HNRNPUL1: variants seen among roughly 807,000 people sequenced by gnomAD.
The protein encoded by HNRNPUL1 is heterogeneous nuclear ribonucleoprotein U-like protein 1.
HNRNPUL1 carries 14 observed loss-of-function variants against 108.5 expected under a neutral mutation model. That is an observed-to-expected ratio of 0.13 (90% CI 0.09 to 0.20). The LOEUF (loss-of-function observed/expected upper bound fraction) is 0.20. Ranked by LOEUF, HNRNPUL1 falls within the 10% of genes least tolerant of loss-of-function variation. HNRNPUL1 has a pLI of 1.00. For missense variants in HNRNPUL1, 804 were observed against 1,168.3 expected (o/e 0.69, Z 4.55); for synonymous variants, 422 against 445.2 (o/e 0.95, Z 0.66).
At chr19:41,295,942 G>A (rs191290951) in intron 10 of HNRNPUL1, among the ~76,000 whole-genome samples, 80 of 152,284 alleles carry the variant, frequency 5.3e-4, no homozygotes, top group Admixed American at 2.2e-3. Context: ...TGTTCTCTCC[G>A]CTTTGAAGAT....
intron 1 of HNRNPUL1, among the ~76,000 whole-genome samples, chr19:41,266,182 T>C (rs2034831130): frequency 6.6e-6 from 1 of 152,074 alleles, no homozygotes; most frequent in Non-Finnish European, 1.5e-5. Context: ...CGCCTGTTAT[T>C]CCAGCACTTT....
In HNRNPUL1 at chr19:41,297,989, TA is replaced by T. The variant is rs1184810883; in HGVS notation, c.1518+3306del. Among the ~76,000 whole-genome samples, 3 of 152,188 alleles carry T rather than the reference TA, an allele frequency of 2.0e-5. No homozygotes were observed. In the East Asian group the frequency reaches 5.8e-4, roughly 29 times the overall value. On this transcript the variant is annotated intron_variant, in intron 10 of 14. Coordinates refer to ENST00000392006, the MANE Select transcript of HNRNPUL1 (RefSeq NM_007040.6). Reference sequence around the variant, plus strand: ...GACACACCAGCCAGTTCTCTTCCTATAAATGTGGTTCTTTTGACTGGAATTC... The same window carrying T: ...GACACACCAGCCAGTTCTCTTCCTATAATGTGGTTCTTTTGACTGGAATTC...
intron 10 of HNRNPUL1, among the ~76,000 whole-genome samples, chr19:41,295,272 CTACACTTCAGTTAATGG>C (rs1288735120): frequency 6.6e-6 from 1 of 152,138 alleles, no homozygotes; most frequent in Non-Finnish European, 1.5e-5. Flanking sequence ...TATTTTCTAC[CTACACTTCAGTTAATGG>C]TGGAGTTCTT....
At chr19:41,270,700 A>T (rs1176234364) in intron 2 of HNRNPUL1, among the ~76,000 whole-genome samples, 1 of 146,186 alleles carries the variant, frequency 6.8e-6, no homozygotes, top group African/African-American at 2.6e-5. Context: ...GGTTCAAGTG[A>T]TTCTCCTGCC....
In HNRNPUL1 at chr19:41,268,265, C is replaced by T; in HGVS notation, c.338C>T (p.Thr113Ile). 6.2e-7 allele frequency: 1 copy of T among 1,613,912 alleles called. No individual in the cohort carries two copies. The highest frequency in any genetic ancestry group is 1.7e-5 in the Admixed American group (1 of 60,000). Reference protein sequence around the residue: ...NITRQNQFYDTQVIKQENESG... With the variant: ...NITRQNQFYDIQVIKQENESG... The stretch of plus-strand genomic sequence containing the variant: ...ACCAGGCAGAACCAATTCTACGATA[C>T]CCAAGTCATCAAACAAGAAAACGAG... Residue 113 changes from threonine (T) to isoleucine (I), a missense_variant, in exon 2 of 15, where the codon ACC becomes ATC. Physicochemically the swap from Thr to Ile is moderately conservative, Grantham distance 89. Transcript: ENST00000392006.
At position 41,292,471 on chromosome 19, in the gene HNRNPUL1, T is replaced by C. The variant is rs756710629; in HGVS notation, c.1226T>C (p.Ile409Thr). Reference protein sequence around the residue: ...FIQHLPLSERIRGTVGPKSKA... With the variant: ...FIQHLPLSERTRGTVGPKSKA... ...CAGCACCTTCCCCTTAGTGAGCGTATCCGGGGCACCGTTGGACCAAAGAGC... is the reference window on the plus strand; with the variant it reads ...CAGCACCTTCCCCTTAGTGAGCGTACCCGGGGCACCGTTGGACCAAAGAGC... Residue 409 changes from isoleucine to threonine, a missense_variant, in exon 8 of 15, where the codon ATC (isoleucine) becomes ACC (threonine). Physicochemically the swap from Ile to Thr is moderately conservative, Grantham distance 89. Coordinates refer to ENST00000392006, the MANE Select transcript of HNRNPUL1 (RefSeq NM_007040.6). The surrounding 1 kb of genome is among the most constrained non-coding windows in gnomAD (Gnocchi z 4.1). 29 of 1,613,540 alleles carry C rather than the reference T, an allele frequency of 1.8e-5. No homozygotes were observed. In the South Asian group the frequency reaches 2.6e-4, roughly 15 times the overall value.
At chr19:41,287,724 T>A (rs1379613885) in intron 7 of HNRNPUL1, among the ~76,000 whole-genome samples, 1 of 152,036 alleles carries the variant, frequency 6.6e-6, no homozygotes, top group Non-Finnish European at 1.5e-5. Context: ...CACACCTGGC[T>A]AATTTTTGTA....
Position 41,264,398 on chromosome 19 carries a change from T to TG in HNRNPUL1, c.-103dup, listed in dbSNP as rs2034671295. ...TTTTGAGCCGCTGCCGCCATTGGAGTGGGCCCCCCCCCTTTCCCCCTTCGC... is the reference window on the plus strand; with the variant it reads ...TTTTGAGCCGCTGCCGCCATTGGAGTGGGGCCCCCCCCCTTTCCCCCTTCGC... On this transcript the variant is annotated 5_prime_UTR_variant, in exon 1 of 15. Transcript: ENST00000392006. 8.1e-6 allele frequency: 8 copies of TG among 991,044 alleles called. No homozygotes were observed. The highest frequency in any genetic ancestry group is 9.3e-6 in the Non-Finnish European group (7 of 756,314). The allele number at this position is 991,044 out of a possible 1,614,324, so 61.4% of individuals were successfully genotyped here.
In HNRNPUL1 at chr19:41,306,440, T is replaced by C; in HGVS notation, c.2455-9T>C. ...AGGACAACTTGGTGTTCTTGGTTTC[T>C]TTCCCCAGTATGCCCAGCAGTGGAA... is the stretch of plus-strand genomic sequence containing the variant. On this transcript the variant is annotated splice_polypyrimidine_tract_variant and intron_variant, in intron 14 of 14. Transcript: ENST00000392006. The C allele has an allele frequency of 6.4e-7, 1 of 1,565,100 alleles. No individual in the cohort carries two copies. Among genetic ancestry groups the C allele is most frequent in the Non-Finnish European group, 8.6e-7 (1 of 1,156,346 alleles).
chr19:41,285,344 G>A (rs951143286), intron 7 of HNRNPUL1, among the ~76,000 whole-genome samples: 2 of 152,054 alleles, frequency 1.3e-5, no homozygotes, highest in Admixed American at 1.3e-4. Flanking sequence ...CTACCTCAGC[G>A]ACCCAAGTAC....
rs900188903 is a variant in HNRNPUL1, at chr19:41,306,683, C to G, written c.*118C>G. The G allele has an allele frequency of 2.4e-5, 13 of 546,212 alleles. No homozygotes were observed. The highest frequency in any genetic ancestry group is 3.3e-5 in the Non-Finnish European group (11 of 329,814). The allele number at this position is 546,212 out of a possible 1,614,324, so 33.8% of individuals were successfully genotyped here. A position where few individuals can be genotyped will look rare whatever the true frequency, so the allele number is the denominator to read the frequency against. On this transcript the variant is annotated 3_prime_UTR_variant, in exon 15 of 15. Transcript: ENST00000392006. ...TGCTGGGGATGGGGTCATCCCAGGGCTGCCTCCCTCCAGCCCACTGCCTCC... is the reference window on the plus strand; with the variant it reads ...TGCTGGGGATGGGGTCATCCCAGGGGTGCCTCCCTCCAGCCCACTGCCTCC...
intron 6 of HNRNPUL1, 152 bp downstream of exon 6, chr19:41,279,328 T>C (rs1599790680): frequency 3.4e-6 from 2 of 592,128 alleles, no homozygotes; most frequent in East Asian, 5.6e-5. Flanking sequence ...TATGCCACTG[T>C]CTCTGTCATG....
Position 41,302,850 on chromosome 19 carries a change from GGCTTCCAGC to G in HNRNPUL1, c.1877_1885del (p.Phe626_Arg628del). 1 of 1,586,012 alleles carries G rather than the reference GGCTTCCAGC, an allele frequency of 6.3e-7. No individual in the cohort carries two copies. The highest frequency in any genetic ancestry group is 1.7e-5 in the Admixed American group (1 of 57,542). ...CTTCCGGGGCCGCGGGGGTGGTGGT[GGCTTCCAGC>G]GCTATGAAAACCGAGGACCCCCTGG... On this transcript the variant is annotated inframe_deletion, in exon 12 of 15. Transcript: ENST00000392006.
intron 5 of HNRNPUL1, among the ~76,000 whole-genome samples, chr19:41,278,807 C>A (rs142157574): frequency 1.3e-5 from 2 of 152,206 alleles, no homozygotes; most frequent in East Asian, 3.9e-4. Flanking sequence ...AACAGTTTAT[C>A]TTTCTACTAG....
At chr19:41,306,174 C>T (rs1471487353) in intron 14 of HNRNPUL1, among the ~76,000 whole-genome samples, 1 of 152,176 alleles carries the variant, frequency 6.6e-6, no homozygotes, top group East Asian at 1.9e-4. Flanking sequence ...GGTTGGTGCC[C>T]AGGCCCCCAT....
Position 41,264,451 on chromosome 19 carries a change from CAG to C in HNRNPUL1, c.-50_-49del. On this transcript the variant is annotated 5_prime_UTR_variant, in exon 1 of 15. Coordinates refer to ENST00000392006, the MANE Select transcript of HNRNPUL1 (RefSeq NM_007040.6). ...CCTGACAGGAAAGGTTTAAGGGGGA[CAG>C]AGCCCTGGGAGGCCGGGCCGGGCTC... 2 of 1,321,720 alleles carry C rather than the reference CAG, an allele frequency of 1.5e-6. No homozygotes were observed. The highest frequency in any genetic ancestry group is 1.9e-6 in the Non-Finnish European group (2 of 1,031,226). The allele number at this position is 1,321,720 out of a possible 1,614,324, so 81.9% of individuals were successfully genotyped here.
chr19:41,282,101 C>G (rs2035928728), intron 7 of HNRNPUL1, among the ~76,000 whole-genome samples: 1 of 152,222 alleles, frequency 6.6e-6, no homozygotes, highest in Admixed American at 6.5e-5. Flanking sequence ...AAGTGACCAC[C>G]TGGATGGATT....
In HNRNPUL1 at chr19:41,264,391, A is replaced by T. The variant is rs2034670447; in HGVS notation, c.-113A>T. 1.1e-6 allele frequency: 1 copy of T among 919,716 alleles called. No homozygotes were observed. The highest frequency in any genetic ancestry group is 3.8e-5 in the South Asian group (1 of 26,430). The allele number at this position is 919,716 out of a possible 1,614,324, so 57.0% of individuals were successfully genotyped here. ...GCGGCCATTTTGAGCCGCTGCCGCC[A>T]TTGGAGTGGGCCCCCCCCCTTTCCC... On this transcript the variant is annotated 5_prime_UTR_variant, in exon 1 of 15. Transcript: ENST00000392006.
chr19:41,274,408 G>C (rs2035424867), intron 4 of HNRNPUL1, among the ~76,000 whole-genome samples: 1 of 152,204 alleles, frequency 6.6e-6, no homozygotes, highest in Non-Finnish European at 1.5e-5. Context: ...ATCTAATCAG[G>C]AAGGGAATCT....
Sources: allele counts gnomAD v4.1 joint callset (sites outside exome capture counted in the v4.1 genomes callset), GRCh38; gene constraint gnomAD v4.1.1; non-coding constraint Gnocchi (gnomAD v3.1); transcripts MANE v1.5; gene names NCBI Gene and HGNC (gene_info 2026-07-23, HGNC 2026-07-21).